DLG2: variants seen among roughly 807,000 people sequenced by gnomAD.
DLG2 encodes the protein disks large homolog 2.
In DLG2, 45 loss-of-function variants were observed where a neutral mutation model predicts 132.5. The ratio of observed to expected loss-of-function variants is 0.34; its 90% confidence interval spans 0.27 to 0.44. The LOEUF (loss-of-function observed/expected upper bound fraction) is 0.44, where lower values mean the gene tolerates loss of function less well. Ranked by LOEUF, DLG2 falls within the 20% of genes least tolerant of loss-of-function variation. The probability of loss-of-function intolerance (pLI) is 1.00; values close to 1 mark genes in which losing one functional copy is unlikely to be tolerated. For synonymous variants in DLG2, 424 were observed against 419.6 expected (o/e 1.01, Z -0.13); for missense variants, 1,045 against 1,196.9 (o/e 0.87, Z 1.87).
intron 6 of DLG2, among the ~76,000 whole-genome samples, chr11:84,751,009 T>C (rs1363939340): frequency 6.6e-6 from 1 of 152,156 alleles, no homozygotes; most frequent in East Asian, 1.9e-4. Context: ...TGGCAATGTA[T>C]TTAACTGATG....
intron 6 of DLG2, among the ~76,000 whole-genome samples, chr11:84,538,611 C>A (rs1244025208): frequency 6.8e-6 from 1 of 146,312 alleles, no homozygotes; most frequent in African/African-American, 2.5e-5. Context: ...TTTTTTTTTT[C>A]TTGGAACTGC....
At chr11:84,091,534 T>C (rs930378964) in intron 10 of DLG2, among the ~76,000 whole-genome samples, 2 of 152,156 alleles carry the variant, frequency 1.3e-5, no homozygotes, top group Non-Finnish European at 2.9e-5. Flanking sequence ...GTTTCTGAAG[T>C]TTTGGGTGTG....
chr11:84,502,206 C>CT (rs1567803183), intron 7 of DLG2, among the ~76,000 whole-genome samples: 421 of 21,234 alleles, frequency 0.02, 99 homozygotes, highest in Middle Eastern at 0.045. Context: ...CTCTCTCCTT[C>CT]CTTCCTTCCT....
chr11:85,431,055 T>C (rs2091148665), intron 3 of DLG2, among the ~76,000 whole-genome samples: 1 of 152,214 alleles, frequency 6.6e-6, no homozygotes, highest in Non-Finnish European at 1.5e-5. Flanking sequence ...TTTTTATTTC[T>C]ATACATCAAA....
At chr11:85,512,266 C>A (rs1259191376) in intron 3 of DLG2, among the ~76,000 whole-genome samples, 1 of 152,026 alleles carries the variant, frequency 6.6e-6, no homozygotes, top group South Asian at 2.1e-4. Context: ...CTTGGCCACA[C>A]TACTAAGGGG....
At chr11:85,171,060 G>A (rs892011655) in intron 4 of DLG2, among the ~76,000 whole-genome samples, 2 of 152,110 alleles carry the variant, frequency 1.3e-5, no homozygotes, top group Non-Finnish European at 2.9e-5. Context: ...ATAATTGTTT[G>A]GAAAAGAAGG....
intron 3 of DLG2, among the ~76,000 whole-genome samples, chr11:85,486,958 T>A (rs375119124): frequency 6.7e-6 from 1 of 150,294 alleles, no homozygotes; most frequent in African/African-American, 2.5e-5. Context: ...CCTAGTCCCA[T>A]GCATAACTTC....
chr11:83,642,802 A>G (rs2066959864), intron 18 of DLG2, among the ~76,000 whole-genome samples: 1 of 152,076 alleles, frequency 6.6e-6, no homozygotes, highest in South Asian at 2.1e-4. Flanking sequence ...TTTATTATTG[A>G]TTTTTAGTGT....
chr11:84,158,073 T>C (rs1218960008), intron 9 of DLG2, among the ~76,000 whole-genome samples: 3 of 130,094 alleles, frequency 2.3e-5, no homozygotes, highest in South Asian at 2.2e-4. Flanking sequence ...TTTTTTTGGT[T>C]TTTTTTTTGA....
intron 17 of DLG2, among the ~76,000 whole-genome samples, chr11:83,807,700 C>G (rs991476829): frequency 6.6e-6 from 1 of 152,068 alleles, no homozygotes; most frequent in Admixed American, 6.6e-5. Context: ...GGAAGGAGAT[C>G]ACTAATAAAG....
intron 6 of DLG2, among the ~76,000 whole-genome samples, chr11:84,809,719 T>G (rs963680129): frequency 9.9e-5 from 15 of 152,006 alleles, no homozygotes; most frequent in Admixed American, 8.5e-4. Flanking sequence ...TATCAAAAAC[T>G]ATAAAATAAT....
chr11:84,475,757 G>A (rs57129297), intron 7 of DLG2, among the ~76,000 whole-genome samples: 1 of 151,968 alleles, frequency 6.6e-6, no homozygotes, highest in Non-Finnish European at 1.5e-5. Flanking sequence ...AATGCACTGG[G>A]GCACAATGTC....
chr11:84,356,008 T>A (rs2098609159), intron 7 of DLG2, among the ~76,000 whole-genome samples: 2 of 152,038 alleles, frequency 1.3e-5, no homozygotes, highest in South Asian at 2.1e-4. Flanking sequence ...TATTTCCAAA[T>A]AGAAGGATTA....
At chr11:85,524,983 G>A (rs1002601579) in intron 3 of DLG2, 1 of 152,144 alleles carries the variant, frequency 6.6e-6, no homozygotes, top group African/African-American at 2.4e-5. Context: ...TTTGACAAAT[G>A]TATATACCTG....
chr11:85,526,827 T>A (rs1299144109), intron 3 of DLG2, among the ~76,000 whole-genome samples: 1 of 152,038 alleles, frequency 6.6e-6, no homozygotes, highest in Non-Finnish European at 1.5e-5. Flanking sequence ...TTTTCTGTAA[T>A]TGGGAGCAAA....
chr11:85,261,101 T>C (rs1028039572), intron 4 of DLG2, among the ~76,000 whole-genome samples: 2 of 152,036 alleles, frequency 1.3e-5, no homozygotes, highest in Admixed American at 1.3e-4. Context: ...AAAGCAAGTT[T>C]GTAAGAGAGA....
intron 7 of DLG2, among the ~76,000 whole-genome samples, chr11:84,367,633 G>T (rs968922953): frequency 7.2e-5 from 11 of 151,998 alleles, no homozygotes; most frequent in African/African-American, 2.7e-4. Flanking sequence ...GTTATCATGG[G>T]AATGGATTAT....
chr11:84,355,395 G>C (rs769352948), intron 7 of DLG2, among the ~76,000 whole-genome samples: 3 of 151,938 alleles, frequency 2.0e-5, no homozygotes, highest in East Asian at 3.9e-4. Flanking sequence ...TGGATCATGA[G>C]GGTAGAGCTC....
chr11:85,584,491 TATA>T (rs2078837800), intron 3 of DLG2, among the ~76,000 whole-genome samples: 1 of 152,158 alleles, frequency 6.6e-6, no homozygotes, highest in African/African-American at 2.4e-5. Flanking sequence ...GTCTTTTTCA[TATA>T]ATGACATCTT....
Sources: gnomAD v4.1 joint callset for allele counts (sites outside exome capture counted in the v4.1 genomes callset) on GRCh38, gnomAD v4.1.1 for gene constraint, MANE v1.5 for transcripts, NCBI Gene and HGNC (gene_info 2026-07-23, HGNC 2026-07-21) for gene names.